Variants in C12orf42 observed in about 807,000 individuals in gnomAD.
C12orf42 encodes uncharacterized protein C12orf42.
Under a neutral mutation model 21.6 loss-of-function variants are expected in C12orf42, and 25 were observed. The ratio of observed to expected loss-of-function variants is 1.16; its 90% CI spans 0.84 to 1.62. The LOEUF is 1.62. C12orf42 is among the 40% of genes most tolerant of loss of function. The pLI, the probability that C12orf42 is intolerant of heterozygous loss-of-function variation, is 0.00. For synonymous variants in C12orf42, 174 were observed against 175.0 expected, an observed-to-expected ratio of 0.99 and a Z score of 0.05; for missense variants, 483 against 459.3, an observed-to-expected ratio of 1.05 and a Z score of -0.47.
the C12orf42 span, among the ~76,000 whole-genome samples, chr12:103,199,000 C>T: frequency 0.37 from 56,283 of 152,028 alleles, 11,100 homozygotes; most frequent in South Asian, 0.45. Context: ...CCCCAAATAG[C>T]CATAGGAATT....
chr12:103,145,855 GA>G, the C12orf42 span, among the ~76,000 whole-genome samples: 2 of 151,276 alleles, frequency 1.3e-5, no homozygotes, highest in Admixed American at 6.6e-5. Context: ...TTGTTGAACA[GA>G]AAAAAAACAG....
the C12orf42 span, among the ~76,000 whole-genome samples, chr12:103,523,863 C>T: frequency 6.6e-6 from 1 of 151,388 alleles, no homozygotes; most frequent in Non-Finnish European, 1.5e-5. Flanking sequence ...AGGGAACTTG[C>T]CCAAGACCAT....
chr12:103,092,859 C>T, the C12orf42 span, among the ~76,000 whole-genome samples: 1 of 152,166 alleles, frequency 6.6e-6, no homozygotes, highest in Non-Finnish European at 1.5e-5. Flanking sequence ...GATTCTTTGC[C>T]GCTCTGTCCA....
chr12:103,310,281 C>T (rs1209202919), intron 4 of C12orf42, among the ~76,000 whole-genome samples: 4 of 152,124 alleles, frequency 2.6e-5, no homozygotes, highest in African/African-American at 9.7e-5. Context: ...CTCTGTGTCT[C>T]TCCCTCTCAC....
chr12:103,091,745 C>T, the C12orf42 span, among the ~76,000 whole-genome samples: 1 of 152,130 alleles, frequency 6.6e-6, no homozygotes, highest in Admixed American at 6.5e-5. Context: ...CCATCTTTTG[C>T]TTTTAGAAAC....
chr12:103,471,800 T>C (rs562268520), intron 2 of C12orf42, among the ~76,000 whole-genome samples: 1 of 152,348 alleles, frequency 6.6e-6, no homozygotes, highest in East Asian at 1.9e-4. Flanking sequence ...TTGACATGTA[T>C]ATAGCACATT....
At chr12:103,369,915 A>AAGAAACT (rs2045038672) in intron 3 of C12orf42, among the ~76,000 whole-genome samples, 1 of 152,166 alleles carries the variant, frequency 6.6e-6, no homozygotes, top group African/African-American at 2.4e-5. Flanking sequence ...TACACAGTAA[A>AAGAAACT]AGAAACTATC....
chr12:103,529,458 A>T, the C12orf42 span, among the ~76,000 whole-genome samples: 4 of 152,332 alleles, frequency 2.6e-5, no homozygotes, highest in East Asian at 7.7e-4. Flanking sequence ...CTATTTCAAC[A>T]GTGCGTCGGC....
intron 3 of C12orf42, among the ~76,000 whole-genome samples, chr12:103,378,313 T>A (rs1442918976): frequency 6.6e-6 from 1 of 152,030 alleles, no homozygotes; most frequent in Non-Finnish European, 1.5e-5. Flanking sequence ...ATTTGGATGA[T>A]TTTTTTTGTC....
the C12orf42 span, among the ~76,000 whole-genome samples, chr12:103,114,903 G>C: frequency 2.0e-5 from 3 of 152,178 alleles, no homozygotes; most frequent in Non-Finnish European, 4.4e-5. Context: ...ACCAGGGCAA[G>C]CAAGAAAACT....
At chr12:103,256,427 C>G (rs953817444) in intron 10 of C12orf42, among the ~76,000 whole-genome samples, 5 of 151,276 alleles carry the variant, frequency 3.3e-5, no homozygotes, top group Non-Finnish European at 7.4e-5. Flanking sequence ...TGGAAACAAA[C>G]CACCAAGAGC....
At chr12:103,467,928 T>G (rs1006806370) in intron 2 of C12orf42, among the ~76,000 whole-genome samples, 2 of 152,212 alleles carry the variant, frequency 1.3e-5, no homozygotes, top group Admixed American at 6.5e-5. Context: ...TCTACCTATA[T>G]GCAGATTAGA....
intron 2 of C12orf42, among the ~76,000 whole-genome samples, chr12:103,410,854 C>T (rs558928295): frequency 6.6e-5 from 10 of 152,038 alleles, no homozygotes; most frequent in South Asian, 2.1e-4. Context: ...ATAAGGAAAG[C>T]GGGAAGAGAA....
At chr12:103,226,197 C>T in the C12orf42 span, among the ~76,000 whole-genome samples, 8 of 152,242 alleles carry the variant, frequency 5.3e-5, no homozygotes, top group South Asian at 6.2e-4. Flanking sequence ...GCGGTTCAGG[C>T]GTTTGGAAGT....
the C12orf42 span, among the ~76,000 whole-genome samples, chr12:103,124,345 C>T: frequency 6.6e-6 from 1 of 151,744 alleles, no homozygotes; most frequent in South Asian, 2.1e-4. Flanking sequence ...CAAGGTTCTC[C>T]CTGAAGAAAT....
the C12orf42 span, among the ~76,000 whole-genome samples, chr12:103,551,904 G>A: frequency 6.6e-6 from 1 of 152,104 alleles, no homozygotes; most frequent in East Asian, 1.9e-4. Flanking sequence ...AGGAGGAAGA[G>A]AATCACCTTA....
the C12orf42 span, among the ~76,000 whole-genome samples, chr12:103,074,531 G>A: frequency 1.3e-5 from 2 of 152,066 alleles, no homozygotes. Flanking sequence ...TGCAAAGATA[G>A]GGCACCCCTC....
chr12:103,239,186 A>G (rs2033606559), intron 10 of C12orf42, among the ~76,000 whole-genome samples: 1 of 152,224 alleles, frequency 6.6e-6, no homozygotes. Flanking sequence ...TAATCCATGT[A>G]AAGACTTAAA....
the C12orf42 span, among the ~76,000 whole-genome samples, chr12:103,094,431 C>T: frequency 6.6e-6 from 1 of 152,156 alleles, no homozygotes; most frequent in Non-Finnish European, 1.5e-5. Flanking sequence ...GGCTATTCTT[C>T]CCTATTATCT....
Sources: allele counts gnomAD v4.1 joint callset (sites outside exome capture counted in the v4.1 genomes callset), GRCh38; gene constraint gnomAD v4.1.1; transcripts MANE v1.5; gene names NCBI Gene and HGNC (gene_info 2026-07-23, HGNC 2026-07-21).